The following OR6K6 variants were observed in gnomAD, a reference collection of about 807,000 sequenced individuals.
OR6K6 encodes olfactory receptor 6K6.
A neutral mutation model predicts 8.1 loss-of-function variants in OR6K6; 9 were observed. The observed-to-expected ratio is 1.11, with a 90% CI of 0.67 to 1.94. The LOEUF is 1.94. Ranked by LOEUF, OR6K6 falls within the 30% of genes most tolerant of loss-of-function variation. The pLI is 0.00. For synonymous variants in OR6K6, 156 were observed against 140.3 expected (o/e 1.11, Z -0.79); for missense variants, 400 against 383.1 (o/e 1.04, Z -0.37).
At chr1:158,755,437 G>T (rs764949730) in exon 1 of OR6K6, 3 of 1,614,180 alleles carry the variant, frequency 1.9e-6, no homozygotes, top group Admixed American at 3.3e-5. Context: ...GATATTCTGT[G>T]ATTTCACACC....
exon 1 of OR6K6, chr1:158,754,848 C>T (rs1181382120): frequency 6.2e-7 from 1 of 1,611,586 alleles, no homozygotes; most frequent in East Asian, 2.2e-5. Flanking sequence ...ATCAACATTC[C>T]AATTATAGGA....
chr1:158,754,989 C>G, exon 1 of OR6K6: 1 of 1,614,160 alleles, frequency 6.2e-7, no homozygotes, highest in Non-Finnish European at 8.5e-7. Flanking sequence ...TCTTTATTCC[C>G]TTGCTTCTCA....
chr1:158,755,516 T>C lies in OR6K6; in HGVS notation c.629T>C (p.Ile210Thr), dbSNP rs772913756. The change falls in exon 1 of 1, where the codon ATT (isoleucine) becomes ACT (threonine). Residue 210 changes from isoleucine (I) to threonine (T), a missense_variant. Physicochemically the swap from Ile to Thr is moderately conservative, Grantham distance 89. Coordinates refer to ENST00000641861, the Ensembl canonical transcript of OR6K6. The stretch of plus-strand genomic sequence containing the variant: ...GTGGATGCCATCCATGCAGCGGAAA[T>C]TGTAGCCTCCTTCCTGGTCATTGCT... 31 of 1,614,038 alleles carry C rather than the reference T, an allele frequency of 1.9e-5. No individual in the cohort carries two copies. In the Admixed American group the frequency reaches 5.0e-4, roughly 26 times the overall value.
At chr1:158,755,069 C>A (rs368378550) in exon 1 of OR6K6, 2 of 1,614,124 alleles carry the variant, frequency 1.2e-6, no homozygotes, top group Non-Finnish European at 1.7e-6. Flanking sequence ...GCCCTGCACA[C>A]CCCTTTGTAT....
At chr1:158,754,815 A>G in exon 1 of OR6K6, 1 of 1,599,112 alleles carries the variant, frequency 6.3e-7, no homozygotes, top group East Asian at 2.2e-5. Context: ...TACAGAAAGG[A>G]ATGAAGCAAT....
At position 158,755,062 on chromosome 1, in the gene OR6K6, C is replaced by G. The variant is rs139704505; in HGVS notation, c.175C>G (p.Leu59Val). ...CATTGTCATCCAGGTGGGCATGGCC[C>G]TGCACACCCCTTTGTATTTCTTTAT... Residue 59 changes from leucine (L) to valine (V), a missense_variant, in exon 1 of 1, where the codon CTG becomes GTG. Leu to Val is a conservative substitution (Grantham distance 32, BLOSUM62 1). Transcript: ENST00000641861. 2,753 of 1,614,076 alleles carry G rather than the reference C, an allele frequency of 1.7e-3. 7 individuals are homozygous for G. Among genetic ancestry groups the G allele is most frequent in the Non-Finnish European group, 2.1e-3 (2,467 of 1,179,932 alleles).
At position 158,755,384 on chromosome 1, in the gene OR6K6, G is replaced by A; in HGVS notation, c.497G>A (p.Trp166Ter). 1.2e-6 allele frequency: 2 copies of A among 1,614,118 alleles called. No homozygotes were observed. The highest frequency in any genetic ancestry group is 1.7e-6 in the Non-Finnish European group (2 of 1,180,024). The change falls in exon 1 of 1, where the codon TGG (tryptophan) becomes TAG (stop). Residue 166 changes from tryptophan (W) to a stop codon, truncating the protein, a stop_gained. Coordinates refer to ENST00000641861, the Ensembl canonical transcript of OR6K6. LOFTEE classifies it high-confidence loss of function. ...CTCCTTGTGCTTCCTGAGATTGCATGGATTTCCACCTTGCCTTTCTGTGGC... is the reference window on the plus strand; with the variant it reads ...CTCCTTGTGCTTCCTGAGATTGCATAGATTTCCACCTTGCCTTTCTGTGGC...
chr1:158,755,572 C>T, exon 1 of OR6K6: 1 of 1,614,172 alleles, frequency 6.2e-7, no homozygotes, highest in South Asian at 1.1e-5. Flanking sequence ...TATAGTGATT[C>T]TGGGAATGCA....
At chr1:158,754,750 A>C in exon 1 of OR6K6, 1 of 1,229,224 alleles carries the variant, frequency 8.1e-7, no homozygotes, top group Non-Finnish European at 1.2e-6. Flanking sequence ...GTAAAGCTTA[A>C]GAGATATTTC....
chr1:158,755,462 C>T (rs759702652), exon 1 of OR6K6: 3 of 1,614,174 alleles, frequency 1.9e-6, no homozygotes, highest in Non-Finnish European at 2.5e-6. Flanking sequence ...CTGAGCTTGG[C>T]CTGCACAGAT....
At chr1:158,755,811 C>A (rs1232571476) in exon 1 of OR6K6, 2 of 1,612,048 alleles carry the variant, frequency 1.2e-6, no homozygotes, top group Admixed American at 1.7e-5. Flanking sequence ...GAAGGCTTTT[C>A]CACTATCAGA....
exon 1 of OR6K6, chr1:158,755,321 G>T: frequency 1.2e-6 from 2 of 1,614,090 alleles, no homozygotes; most frequent in Non-Finnish European, 1.7e-6. Context: ...CCCAAACTTT[G>T]TATCCAGCTG....
rs776048365 is a variant in OR6K6 at position 158,755,005 on chromosome 1, G to A, written c.118G>A (p.Gly40Arg). ...CTTTATTCCCTTGCTTCTCATCTAC[G>A]GATTTATCCTAACTGGAAACCTAAT... The change falls in exon 1 of 1, where the codon GGA (glycine) becomes AGA (arginine). Residue 40 changes from glycine to arginine, a missense_variant. By Grantham distance (125) the Gly-to-Arg change is moderately radical. Transcript: ENST00000641861. The A allele has an allele frequency of 2.9e-5, 46 of 1,613,924 alleles. 1 individual carries two copies. The East Asian group carries it at 4.2e-4, about 15-fold the overall frequency.
exon 1 of OR6K6, chr1:158,755,124 A>G (rs1656957123): frequency 6.2e-7 from 1 of 1,614,058 alleles, no homozygotes; most frequent in Non-Finnish European, 8.5e-7. Context: ...GCTATACCAC[A>G]ACCACCATCC....
At chr1:158,755,763 C>G (rs745713701) in exon 1 of OR6K6, 2 of 1,614,050 alleles carry the variant, frequency 1.2e-6, no homozygotes, top group South Asian at 1.1e-5. Flanking sequence ...ACCCCATCAT[C>G]TATAGCCTGA....
exon 1 of OR6K6, chr1:158,755,795 C>T: frequency 6.2e-7 from 1 of 1,613,336 alleles, no homozygotes. Context: ...ATGAAAGAGG[C>T]TATTGGAAGG....
At chr1:158,755,319 T>G in exon 1 of OR6K6, 1 of 1,614,174 alleles carries the variant, frequency 6.2e-7, no homozygotes, top group South Asian at 1.1e-5. Context: ...TTCCCAAACT[T>G]TGTATCCAGC....
In OR6K6 at chr1:158,755,684, C is replaced by G. The variant is rs1227700347; in HGVS notation, c.797C>G (p.Ser266Ter). 1 of 1,614,088 alleles carries G rather than the reference C, an allele frequency of 6.2e-7. No homozygotes were observed. The highest frequency in any genetic ancestry group is 8.5e-7 in the Non-Finnish European group (1 of 1,180,036). Residue 266 changes from serine to a stop codon, truncating the protein, a stop_gained, in exon 1 of 1, where the codon TCA (serine) becomes TGA (stop). Coordinates refer to ENST00000641861, the Ensembl canonical transcript of OR6K6. LOFTEE classifies it high-confidence loss of function. ...GTGGCTGTCATGTATTTGAGATTCT[C>G]AGCCACCTACTCAGTGTTTTGGGAC... is the stretch of plus-strand genomic sequence containing the variant.
At chr1:158,755,071 C>T in exon 1 of OR6K6, 1 of 1,614,120 alleles carries the variant, frequency 6.2e-7, no homozygotes, top group Admixed American at 1.7e-5. Context: ...CCTGCACACC[C>T]CTTTGTATTT....
Sources: allele counts gnomAD v4.1 joint callset, GRCh38; gene constraint gnomAD v4.1.1; transcripts MANE v1.5; gene names NCBI Gene and HGNC (gene_info 2026-07-23, HGNC 2026-07-21).